The following ADGRF1 variants were observed in gnomAD, a reference collection of about 807,000 sequenced individuals.
ADGRF1 encodes the protein adhesion G protein-coupled receptor F1.
ADGRF1 carries 85 observed loss-of-function variants against 87.2 expected under a neutral mutation model. The ratio of observed to expected loss-of-function variants is 0.97; its 90% confidence interval spans 0.82 to 1.17. The LOEUF is 1.17. Ranked by LOEUF, ADGRF1 falls within the 50% of genes most tolerant of loss-of-function variation. The pLI is 0.00. For missense variants in ADGRF1, 1,169 were observed against 1,077.2 expected, an observed-to-expected ratio of 1.09 and a Z score of -1.19; for synonymous variants, 430 against 408.8, an observed-to-expected ratio of 1.05 and a Z score of -0.63.
chr6:47,018,330 G>A (rs1302609972), intron 7 of ADGRF1: 3 of 1,180,130 alleles, frequency 2.5e-6, no homozygotes, highest in African/African-American at 3.2e-5. Flanking sequence ...ATAGATAAGA[G>A]AACTGAGGCC....
intron 7 of ADGRF1, chr6:47,020,246 C>T (rs1780005144): frequency 1.9e-5 from 24 of 1,281,880 alleles, no homozygotes; most frequent in Non-Finnish European, 2.4e-5. Flanking sequence ...GTAATCCCAG[C>T]ACTTTGGGGG....
chr6:47,013,802 T>C lies in ADGRF1; in HGVS notation c.927+879A>G, dbSNP rs573729589. 1.8e-5 allele frequency: 4 copies of C among 225,780 alleles called. No individual in the cohort carries two copies. The East Asian group carries it at 5.5e-4, about 31-fold the overall frequency. The allele number at this position is 225,780 out of a possible 1,614,324, so 14.0% of individuals were successfully genotyped here. On this transcript the variant is annotated intron_variant, in intron 9 of 14. Coordinates refer to ENST00000371253, the MANE Select transcript of ADGRF1 (RefSeq NM_153840.4). ...TTAGCACCATCCCCCAAGTGCTGTC[T>C]CATGATACAGTTCTCACAAGATCTG...
chr6:47,031,299 ACT>A (rs1780415414), intron 1 of ADGRF1, among the ~76,000 whole-genome samples: 1 of 51,846 alleles, frequency 1.9e-5, no homozygotes, highest in South Asian at 5.4e-4. Context: ...TCTCTGTCTG[ACT>A]CTCTCTGTCT....
chr6:47,031,098 T>C (rs1357707877), intron 1 of ADGRF1, among the ~76,000 whole-genome samples: 1 of 152,126 alleles, frequency 6.6e-6, no homozygotes, highest in African/African-American at 2.4e-5. Context: ...ATTTTTTAAT[T>C]TGAATTCCCA....
chr6:47,041,151 A>T (rs953338001), intron 1 of ADGRF1, among the ~76,000 whole-genome samples: 6 of 152,230 alleles, frequency 3.9e-5, no homozygotes, highest in African/African-American at 1.4e-4. Context: ...ATGTTTTACT[A>T]CTTGTCAAAG....
intron 1 of ADGRF1, among the ~76,000 whole-genome samples, chr6:47,037,571 G>GA (rs1780622389): frequency 6.6e-6 from 1 of 151,900 alleles, no homozygotes; most frequent in Non-Finnish European, 1.5e-5. Flanking sequence ...GCCGTGCCAT[G>GA]ATCATAGCTC....
chr6:47,008,539 G>A (rs545102241), intron 11 of ADGRF1, among the ~76,000 whole-genome samples: 1 of 152,174 alleles, frequency 6.6e-6, no homozygotes, highest in East Asian at 1.9e-4. Flanking sequence ...GCTACTGGTT[G>A]CATTTTGCTA....
chr6:47,008,815 C>A, intron 11 of ADGRF1, 130 bp downstream of exon 11: 3 of 732,970 alleles, frequency 4.1e-6, no homozygotes, highest in East Asian at 2.6e-5. Context: ...TTATTGTTTC[C>A]ATGCAGTTTT....
At chr6:47,026,914 C>T (rs1224848394) in intron 3 of ADGRF1, among the ~76,000 whole-genome samples, 1 of 152,164 alleles carries the variant, frequency 6.6e-6, no homozygotes, top group Non-Finnish European at 1.5e-5. Context: ...AAAAGGATGG[C>T]CCTGCTCACA....
At chr6:47,000,915 T>C (rs188143988) in intron 14 of ADGRF1, among the ~76,000 whole-genome samples, 4 of 152,376 alleles carry the variant, frequency 2.6e-5, no homozygotes, top group Admixed American at 6.5e-5. Flanking sequence ...CCAAGAATGC[T>C]GTGGCTACTT....
chr6:47,027,663 C>T (rs1371056673), intron 3 of ADGRF1, 41 bp downstream of exon 3: 9 of 1,428,440 alleles, frequency 6.3e-6, no homozygotes, highest in Non-Finnish European at 8.8e-6. Context: ...GGTCCCTTGA[C>T]ACCAAAATCC....
intron 1 of ADGRF1, among the ~76,000 whole-genome samples, chr6:47,032,236 G>T (rs1335327180): frequency 6.6e-6 from 1 of 152,180 alleles, no homozygotes; most frequent in African/African-American, 2.4e-5. Context: ...TGTGATAGGA[G>T]TTCTACTCTG....
intron 1 of ADGRF1, among the ~76,000 whole-genome samples, chr6:47,031,351 GTCTCTCTCTCTC>G (rs374462680): frequency 2.2e-3 from 243 of 110,782 alleles, no homozygotes; most frequent in African/African-American, 7.3e-3. Context: ...CTCTCTCTCT[GTCTCTCTCTCTC>G]TCTCTCTCTC....
At position 47,009,964 on chromosome 6, in the gene ADGRF1, G is replaced by A. The variant is rs764876978; in HGVS notation, c.1471C>T (p.Leu491=). The A allele has an allele frequency of 1.4e-5, 23 of 1,614,156 alleles. 1 individual carries two copies. In the South Asian group the frequency reaches 2.3e-4, roughly 16 times the overall value. Residue 491 remains leucine (L), a synonymous_variant, in exon 11 of 15, where the codon CTA becomes TTA. Transcript: ENST00000371253. ...GCATTTCCATTTTTGGAAACGGGTA[G>A]AATGTTCCCCAGAGTCAACGAGGCC... is the stretch of plus-strand genomic sequence containing the variant. ...SMASLTLGNI[L]PVSKNGNAQV...
At chr6:47,019,354 C>A in intron 7 of ADGRF1, 1 of 984,982 alleles carries the variant, frequency 1.0e-6, no homozygotes, top group Non-Finnish European at 1.2e-6. Flanking sequence ...GGATAATGCC[C>A]AGAACAACAT....
At chr6:47,021,534 GT>G (rs1780051526) in intron 6 of ADGRF1, among the ~76,000 whole-genome samples, 1 of 151,912 alleles carries the variant, frequency 6.6e-6, no homozygotes, top group African/African-American at 2.4e-5. Context: ...TAATTTTTGT[GT>G]TTTTTAGTAG....
intron 9 of ADGRF1, 193 bp downstream of exon 9, chr6:47,014,488 G>T: frequency 7.5e-7 from 1 of 1,335,292 alleles, no homozygotes; most frequent in Admixed American, 3.4e-5. Context: ...CTGCAACCTA[G>T]ACTCTGCTGC....
At chr6:47,027,543 A>C (rs1780275975) in intron 3 of ADGRF1, among the ~76,000 whole-genome samples, 161 bp downstream of exon 3, 1 of 152,172 alleles carries the variant, frequency 6.6e-6, no homozygotes, top group African/African-American at 2.4e-5. Context: ...AATCTTCACA[A>C]ACGTCTTGCT....
rs985799539 is a variant in ADGRF1 at position 47,018,287 on chromosome 6, C to A, written c.612-1519G>T. ...ATACATTAAGTCAATCCTGCAATAA[C>A]TCATGAGATAAGCAGTGTATCATTC... On this transcript the variant is annotated intron_variant, in intron 7 of 14. Transcript: ENST00000371253. The A allele has an allele frequency of 4.9e-6, 4 of 815,348 alleles. No homozygotes were observed. The Admixed American group carries it at 1.4e-4, about 29-fold the overall frequency. 50.5% of individuals were successfully genotyped at this position (815,348 alleles called of 1,614,324 possible). A position where few individuals can be genotyped will look rare whatever the true frequency, so the allele number is the denominator to read the frequency against.
Sources: gnomAD v4.1 joint callset for allele counts (sites outside exome capture counted in the v4.1 genomes callset) on GRCh38, gnomAD v4.1.1 for gene constraint, MANE v1.5 for transcripts, NCBI Gene and HGNC (gene_info 2026-07-23, HGNC 2026-07-21) for gene names.